Variants in SHISA9 observed in about 807,000 individuals in gnomAD.
SHISA9 encodes protein shisa-9.
In SHISA9, 13 loss-of-function variants were observed where a neutral mutation model predicts 38.0. The ratio of observed to expected loss-of-function variants is 0.34; its 90% CI spans 0.22 to 0.54. The LOEUF (loss-of-function observed/expected upper bound fraction) is 0.54, where lower values mean the gene tolerates loss of function less well. Among genes scored for constraint, SHISA9 ranks in the 20% least tolerant of loss-of-function variants. SHISA9 has a pLI of 0.91. For missense variants in SHISA9, 538 were observed against 575.8 expected (o/e 0.93, Z 0.67); for synonymous variants, 275 against 242.0 (o/e 1.14, Z -1.27).
At chr16:13,536,024 A>G in the SHISA9 span, among the ~76,000 whole-genome samples, 1 of 150,806 alleles carries the variant, frequency 6.6e-6, no homozygotes, top group South Asian at 2.1e-4. Flanking sequence ...TTTGAAACGA[A>G]GTCTCACCCT....
intron 2 of SHISA9, among the ~76,000 whole-genome samples, chr16:12,926,641 G>A (rs1025546937): frequency 2.0e-5 from 3 of 152,130 alleles, no homozygotes; most frequent in African/African-American, 4.8e-5. Context: ...CCAGAAGGAG[G>A]CCTCCACAAA....
chr16:13,268,133 A>C, the SHISA9 span, among the ~76,000 whole-genome samples: 1 of 151,946 alleles, frequency 6.6e-6, no homozygotes, highest in African/African-American at 2.4e-5. Flanking sequence ...ATTGTGATCA[A>C]ATCAATGTTT....
the SHISA9 span, among the ~76,000 whole-genome samples, chr16:13,454,474 T>C: frequency 1.3e-5 from 2 of 152,236 alleles, no homozygotes; most frequent in African/African-American, 4.8e-5. Context: ...GCTTGCTACA[T>C]GCCAGGAATT....
At chr16:13,110,147 T>G (rs944418494) in intron 2 of SHISA9, among the ~76,000 whole-genome samples, 10 of 152,214 alleles carry the variant, frequency 6.6e-5, no homozygotes, top group African/African-American at 2.4e-4. Flanking sequence ...GCATCTCTCA[T>G]AACCTGGAAT....
intron 2 of SHISA9, among the ~76,000 whole-genome samples, chr16:13,074,083 C>T (rs2073552336): frequency 6.6e-6 from 1 of 151,702 alleles, no homozygotes; most frequent in South Asian, 2.1e-4. Context: ...GATTCTCCTG[C>T]CTCAGCCTCC....
At chr16:12,972,489 C>A (rs1223668084) in intron 2 of SHISA9, among the ~76,000 whole-genome samples, 1 of 152,150 alleles carries the variant, frequency 6.6e-6, no homozygotes, top group Non-Finnish European at 1.5e-5. Context: ...ATGAATCATA[C>A]AGAATCTTTT....
At chr16:13,257,118 A>C in the SHISA9 span, among the ~76,000 whole-genome samples, 1 of 152,080 alleles carries the variant, frequency 6.6e-6, no homozygotes, top group Admixed American at 6.6e-5. Flanking sequence ...ATGAGAGTAG[A>C]ATTTGTGTTT....
chr16:13,514,005 A>AT, the SHISA9 span, among the ~76,000 whole-genome samples: 64 of 151,718 alleles, frequency 4.2e-4, no homozygotes, highest in African/African-American at 1.5e-3. Context: ...AAAATAAAAT[A>AT]TTTTTTTTTA....
chr16:13,078,640 A>C (rs2073611879), intron 2 of SHISA9, among the ~76,000 whole-genome samples: 1 of 152,134 alleles, frequency 6.6e-6, no homozygotes, highest in Admixed American at 6.5e-5. Flanking sequence ...TCCTGGCCTC[A>C]TGTGACCCGC....
At chr16:13,200,270 T>G (rs762780) in intron 2 of SHISA9, among the ~76,000 whole-genome samples, 1 of 151,860 alleles carries the variant, frequency 6.6e-6, no homozygotes, top group Non-Finnish European at 1.5e-5. Flanking sequence ...TTGGTATGTT[T>G]CTTTATCCTT....
the SHISA9 span, among the ~76,000 whole-genome samples, chr16:13,436,819 T>A: frequency 6.6e-6 from 1 of 152,198 alleles, no homozygotes; most frequent in Non-Finnish European, 1.5e-5. Flanking sequence ...TTTGGCCACG[T>A]GATTTGCTAG....
At chr16:12,941,593 T>A (rs935175767) in intron 2 of SHISA9, among the ~76,000 whole-genome samples, 2 of 152,238 alleles carry the variant, frequency 1.3e-5, no homozygotes, top group Non-Finnish European at 2.9e-5. Flanking sequence ...AATTATTTTG[T>A]CATGCCTATA....
At chr16:13,151,891 G>C (rs942297672) in intron 2 of SHISA9, among the ~76,000 whole-genome samples, 2 of 152,122 alleles carry the variant, frequency 1.3e-5, no homozygotes, top group Non-Finnish European at 2.9e-5. Context: ...TGTGTCCAGG[G>C]AGTCAGACTT....
At chr16:13,049,158 G>C (rs9940588) in intron 2 of SHISA9, among the ~76,000 whole-genome samples, 243 of 2,892 alleles carry the variant, frequency 0.084, 15 homozygotes, top group South Asian at 0.12. Flanking sequence ...TTAGGAGTAT[G>C]TGTGTGTGTG....
At chr16:13,432,438 T>G in the SHISA9 span, among the ~76,000 whole-genome samples, 2 of 152,220 alleles carry the variant, frequency 1.3e-5, no homozygotes, top group African/African-American at 4.8e-5. Context: ...CAATGAGCTG[T>G]GAAATGATTC....
At chr16:13,301,040 T>C in the SHISA9 span, among the ~76,000 whole-genome samples, 1 of 152,098 alleles carries the variant, frequency 6.6e-6, no homozygotes, top group Non-Finnish European at 1.5e-5. Context: ...CACCAATTCG[T>C]CTTTCCCTTC....
At chr16:12,975,655 G>GTT (rs1555451379) in intron 2 of SHISA9, among the ~76,000 whole-genome samples, 2 of 141,290 alleles carry the variant, frequency 1.4e-5, no homozygotes, top group African/African-American at 5.4e-5. Context: ...TGGGACGGGG[G>GTT]CGGGGGGGGT....
chr16:13,558,674 C>T, the SHISA9 span, among the ~76,000 whole-genome samples: 1 of 152,314 alleles, frequency 6.6e-6, no homozygotes, highest in Non-Finnish European at 1.5e-5. Context: ...GCCTTTGGAA[C>T]ACAAGGTAGC....
the SHISA9 span, among the ~76,000 whole-genome samples, chr16:13,450,897 CA>C: frequency 2.0e-5 from 3 of 152,162 alleles, no homozygotes; most frequent in African/African-American, 7.2e-5. Context: ...TGCATTCATT[CA>C]TTTAACAAAT....
Sources: gnomAD v4.1 joint callset for allele counts (sites outside exome capture counted in the v4.1 genomes callset) on GRCh38, gnomAD v4.1.1 for gene constraint, MANE v1.5 for transcripts, NCBI Gene and HGNC (gene_info 2026-07-23, HGNC 2026-07-21) for gene names.